The following DNM3 variants were observed in gnomAD, a reference collection of about 807,000 sequenced individuals.
The protein encoded by DNM3 is dynamin-3.
In DNM3, 47 loss-of-function variants were observed where a neutral mutation model predicts 101.6. The observed-to-expected ratio is 0.46, with a 90% CI of 0.37 to 0.59. DNM3 has a LOEUF of 0.59. DNM3 is among the 20% of genes least tolerant of loss of function. The pLI is 0.00. For missense variants in DNM3, 849 were observed against 1,085.7 expected (o/e 0.78, Z 3.06); for synonymous variants, 385 against 387.9 (o/e 0.99, Z 0.09).
At chr1:172,058,680 G>A (rs1049565082) in intron 10 of DNM3, among the ~76,000 whole-genome samples, 4 of 151,932 alleles carry the variant, frequency 2.6e-5, no homozygotes, top group African/African-American at 9.7e-5. Flanking sequence ...AGAATCTCTG[G>A]GATGCATTTA....
chr1:172,367,711 T>G (rs2068095971), intron 17 of DNM3, among the ~76,000 whole-genome samples: 1 of 151,994 alleles, frequency 6.6e-6, no homozygotes, highest in East Asian at 1.9e-4. Flanking sequence ...ACTTTACCTA[T>G]GAAGATACTC....
intron 1 of DNM3, among the ~76,000 whole-genome samples, chr1:171,915,512 G>A (rs2039641423): frequency 6.6e-6 from 1 of 152,170 alleles, no homozygotes; most frequent in East Asian, 1.9e-4. Context: ...GAGGATAGAG[G>A]TAGAAGGAGG....
At chr1:172,323,107 A>G (rs1023739796) in intron 16 of DNM3, among the ~76,000 whole-genome samples, 1 of 152,122 alleles carries the variant, frequency 6.6e-6, no homozygotes, top group Non-Finnish European at 1.5e-5. Flanking sequence ...CATGTAACCT[A>G]TGTGGATTCT....
At chr1:172,015,615 C>T (rs1032844521) in intron 4 of DNM3, among the ~76,000 whole-genome samples, 1 of 151,910 alleles carries the variant, frequency 6.6e-6, no homozygotes. Flanking sequence ...TATATATTAA[C>T]CTTGTATTCT....
intron 4 of DNM3, among the ~76,000 whole-genome samples, chr1:172,025,812 C>T (rs1199970939): frequency 1.3e-5 from 2 of 152,138 alleles, no homozygotes; most frequent in Non-Finnish European, 2.9e-5. Context: ...TCACCAACCT[C>T]AAAGACCAAA....
At chr1:172,226,579 C>T (rs1430636232) in intron 14 of DNM3, among the ~76,000 whole-genome samples, 1 of 152,180 alleles carries the variant, frequency 6.6e-6, no homozygotes, top group Non-Finnish European at 1.5e-5. Flanking sequence ...AAGTGTAAGT[C>T]GCTCTGTGCC....
At chr1:172,284,690 G>C (rs745475698) in intron 15 of DNM3, among the ~76,000 whole-genome samples, 1 of 152,074 alleles carries the variant, frequency 6.6e-6, no homozygotes, top group African/African-American at 2.4e-5. Context: ...GAGACACTTG[G>C]CATGGAAGTC....
intron 14 of DNM3, among the ~76,000 whole-genome samples, chr1:172,248,561 G>A (rs978375028): frequency 1.3e-5 from 2 of 152,160 alleles, no homozygotes; most frequent in Admixed American, 6.6e-5. Flanking sequence ...GGTCTATGAT[G>A]TGCTATAATC....
At chr1:171,984,447 A>C (rs2045089735) in intron 2 of DNM3, among the ~76,000 whole-genome samples, 2 of 152,028 alleles carry the variant, frequency 1.3e-5, no homozygotes, top group Non-Finnish European at 2.9e-5. Context: ...GCTGTCCCTC[A>C]ACATGCCGAA....
chr1:171,910,509 C>T (rs2039208507), intron 1 of DNM3, among the ~76,000 whole-genome samples: 1 of 152,170 alleles, frequency 6.6e-6, no homozygotes. Context: ...ATATCCCCTG[C>T]AGGTAAGGGG....
chr1:172,094,362 C>T (rs762555172), intron 13 of DNM3, among the ~76,000 whole-genome samples: 4 of 152,126 alleles, frequency 2.6e-5, no homozygotes, highest in Admixed American at 6.6e-5. Flanking sequence ...AAATTAAACT[C>T]TAATTTCTAC....
chr1:171,955,214 A>G (rs1396186895), intron 2 of DNM3, among the ~76,000 whole-genome samples: 2 of 152,198 alleles, frequency 1.3e-5, no homozygotes, highest in African/African-American at 2.4e-5. Flanking sequence ...GCATGGCTGC[A>G]TTGGCTAAAT....
At chr1:171,844,552 C>T (rs1371743701) in intron 1 of DNM3, among the ~76,000 whole-genome samples, 5 of 152,122 alleles carry the variant, frequency 3.3e-5, no homozygotes, top group African/African-American at 4.8e-5. Context: ...CTTCATTTAG[C>T]GGTTGCTGTA....
At chr1:172,131,357 A>T (rs979915653) in intron 14 of DNM3, 69 bp downstream of exon 14, 51 of 1,356,482 alleles carry the variant, frequency 3.8e-5, no homozygotes, top group Non-Finnish European at 5.1e-5. Context: ...TGATATTATT[A>T]TACTATGCAA....
intron 1 of DNM3, among the ~76,000 whole-genome samples, chr1:171,909,210 C>G (rs568077099): frequency 6.6e-6 from 1 of 152,014 alleles, no homozygotes; most frequent in East Asian, 1.9e-4. Context: ...GGAGGCCGAG[C>G]TGGGTGGATC....
intron 17 of DNM3, among the ~76,000 whole-genome samples, chr1:172,356,666 G>T (rs2067468101): frequency 6.6e-6 from 1 of 151,900 alleles, no homozygotes; most frequent in Non-Finnish European, 1.5e-5. Flanking sequence ...AAAGTTTATG[G>T]TTATGAAAAC....
At chr1:172,091,610 C>A (rs1273459583) in intron 12 of DNM3, among the ~76,000 whole-genome samples, 1 of 152,134 alleles carries the variant, frequency 6.6e-6, no homozygotes, top group Non-Finnish European at 1.5e-5. Flanking sequence ...TGGAACTCTT[C>A]AGGGAACAAG....
At chr1:171,861,321 T>C (rs924812082) in intron 1 of DNM3, among the ~76,000 whole-genome samples, 7 of 152,128 alleles carry the variant, frequency 4.6e-5, no homozygotes, top group South Asian at 2.1e-4. Flanking sequence ...CAAAACAAGT[T>C]GAAGGACTCA....
chr1:171,924,808 G>A (rs1199967949), intron 2 of DNM3, among the ~76,000 whole-genome samples: 1 of 152,136 alleles, frequency 6.6e-6, no homozygotes, highest in Admixed American at 6.5e-5. Flanking sequence ...TTTCTCTGAT[G>A]ATTAATGATG....
Sources: gnomAD v4.1 joint callset for allele counts (sites outside exome capture counted in the v4.1 genomes callset) on GRCh38, gnomAD v4.1.1 for gene constraint, MANE v1.5 for transcripts, NCBI Gene and HGNC (gene_info 2026-07-23, HGNC 2026-07-21) for gene names.